Variants in TTLL5 observed in about 807,000 individuals in gnomAD.
The protein encoded by TTLL5 is tubulin tyrosine ligase like 5, also known as tubulin polyglutamylase TTLL5.
In TTLL5, 132 loss-of-function variants were observed where a neutral mutation model predicts 168.4. The ratio of observed to expected loss-of-function variants is 0.78; its 90% CI spans 0.68 to 0.91. TTLL5 has a LOEUF of 0.91. Among genes scored for constraint, TTLL5 ranks in the 40% least tolerant of loss-of-function variants. TTLL5 has a pLI of 0.00. For synonymous variants in TTLL5, 546 were observed against 558.6 expected, an observed-to-expected ratio of 0.98 and a Z score of 0.32; for missense variants, 1,545 against 1,581.5, an observed-to-expected ratio of 0.98 and a Z score of 0.39.
intron 18 of TTLL5, among the ~76,000 whole-genome samples, chr14:75,755,269 A>AAAT (rs71119390): frequency 0.058 from 2,757 of 47,858 alleles, 68 homozygotes; most frequent in African/African-American, 0.15. Flanking sequence ...CTGTCTCCAA[A>AAAT]AATAATAATA....
At chr14:75,895,372 A>G (rs532070908) in intron 30 of TTLL5, among the ~76,000 whole-genome samples, 24 of 152,318 alleles carry the variant, frequency 1.6e-4, no homozygotes, top group African/African-American at 5.5e-4. Context: ...CCTGCACTCA[A>G]TGGTATTCGA....
At chr14:75,818,087 C>A (rs1269279586) in intron 27 of TTLL5, among the ~76,000 whole-genome samples, 4 of 152,026 alleles carry the variant, frequency 2.6e-5, no homozygotes, top group Non-Finnish European at 5.9e-5. Context: ...ATCCACCTGC[C>A]TCAGCCTCCC....
chr14:75,908,654 T>C (rs2033244626), intron 31 of TTLL5, among the ~76,000 whole-genome samples: 1 of 152,372 alleles, frequency 6.6e-6, no homozygotes, highest in African/African-American at 2.4e-5. Context: ...GTATGACCCC[T>C]GTATGCTGCC....
intron 31 of TTLL5, among the ~76,000 whole-genome samples, chr14:75,911,390 C>T (rs1007492519): frequency 1.3e-5 from 2 of 151,954 alleles, no homozygotes; most frequent in Admixed American, 1.3e-4. Flanking sequence ...GACTTGCCTT[C>T]GCTATAATAA....
intron 31 of TTLL5, among the ~76,000 whole-genome samples, chr14:75,918,420 C>G (rs932503498): frequency 2.0e-5 from 3 of 152,150 alleles, no homozygotes; most frequent in African/African-American, 7.2e-5. Context: ...ACTTCTGCAG[C>G]CCCTCTACCA....
At chr14:75,896,651 T>C (rs997749619) in intron 30 of TTLL5, among the ~76,000 whole-genome samples, 16 of 152,088 alleles carry the variant, frequency 1.1e-4, no homozygotes, top group Admixed American at 7.9e-4. Flanking sequence ...ACAGAAATAA[T>C]ATAGCAGCAA....
At chr14:75,745,315 A>G in intron 16 of TTLL5, 107 bp downstream of exon 16, 1 of 1,261,946 alleles carries the variant, frequency 7.9e-7, no homozygotes, top group Non-Finnish European at 1.1e-6. Flanking sequence ...CATTGAAAAG[A>G]GAAAGATTCA....
chr14:75,833,096 G>T (rs1240512281), intron 28 of TTLL5, among the ~76,000 whole-genome samples: 1 of 152,132 alleles, frequency 6.6e-6, no homozygotes, highest in Admixed American at 6.5e-5. Flanking sequence ...CCTCAGCCAA[G>T]CCCCATGCCC....
intron 23 of TTLL5, 117 bp from the exon 24 acceptor site, chr14:75,779,458 C>T: frequency 1.4e-6 from 2 of 1,441,372 alleles, no homozygotes; most frequent in Non-Finnish European, 1.9e-6. Context: ...AGGGAATTTT[C>T]AGCTTGTGCT....
chr14:75,772,910 A>C (rs1401934797), intron 21 of TTLL5, among the ~76,000 whole-genome samples: 1 of 151,704 alleles, frequency 6.6e-6, no homozygotes, highest in Non-Finnish European at 1.5e-5. Flanking sequence ...CAGGTGATCC[A>C]CCCTCCTTGG....
intron 30 of TTLL5, among the ~76,000 whole-genome samples, chr14:75,884,624 A>G (rs2032001081): frequency 6.6e-6 from 1 of 152,200 alleles, no homozygotes; most frequent in Non-Finnish European, 1.5e-5. Context: ...CAGGTATCAA[A>G]AGGCATGCTG....
chr14:75,683,554 AC>A lies in TTLL5; in HGVS notation c.272del (p.Pro91GlnfsTer8). ...TGTCTTTCTGTCTGCCCTCAGGTTC[AC>A]CCAAGCAGCACTGACTATAACCTAA... ...ILTAHGFHEV[H>X]PSSTDYNLMW... On this transcript the variant is annotated frameshift_variant, in exon 5 of 32. Coordinates refer to ENST00000298832, the MANE Select transcript of TTLL5 (RefSeq NM_015072.5). LOFTEE classifies it high-confidence loss of function. The A allele has an allele frequency of 6.2e-7, 1 of 1,613,386 alleles. No individual in the cohort carries two copies. Among genetic ancestry groups the A allele is most frequent in the Non-Finnish European group, 8.5e-7 (1 of 1,179,486 alleles).
Position 75,681,539 on chromosome 14 carries a change from CT to C in TTLL5, c.182-3del, listed in dbSNP as rs1276651183. 1 of 1,611,336 alleles carries C rather than the reference CT, an allele frequency of 6.2e-7. No individual in the cohort carries two copies. The highest frequency in any genetic ancestry group is 8.5e-7 in the Non-Finnish European group (1 of 1,179,028). Reference sequence around the variant, plus strand: ...AGTTACTGAACTTGATTCTGTTTTTCTTTAGAACGTTATCATTTGTCTTATA... The same window carrying C: ...AGTTACTGAACTTGATTCTGTTTTTCTTAGAACGTTATCATTTGTCTTATA... On this transcript the variant is annotated splice_polypyrimidine_tract_variant and splice_region_variant and intron_variant, in intron 3 of 31. Coordinates refer to ENST00000298832, the MANE Select transcript of TTLL5 (RefSeq NM_015072.5).
At chr14:75,872,833 C>T (rs1364070427) in intron 29 of TTLL5, among the ~76,000 whole-genome samples, 1 of 151,468 alleles carries the variant, frequency 6.6e-6, no homozygotes, top group African/African-American at 2.4e-5. Flanking sequence ...ATCACTTGAA[C>T]CCAGGAGGCG....
chr14:75,675,158 AAGGACATTTCAAGTGCTTATT>A (rs1884044097), intron 3 of TTLL5, among the ~76,000 whole-genome samples: 1 of 152,236 alleles, frequency 6.6e-6, no homozygotes, highest in Non-Finnish European at 1.5e-5. Context: ...AAAGTTAAAT[AAGGACATTTCAAGTGCTTATT>A]AGTCACACAC....
chr14:75,735,552 A>C (rs1414805640), intron 15 of TTLL5, among the ~76,000 whole-genome samples: 1 of 152,154 alleles, frequency 6.6e-6, no homozygotes, highest in Non-Finnish European at 1.5e-5. Flanking sequence ...GTTTTTAAAA[A>C]TCACGTTTTT....
At position 75,857,258 on chromosome 14, in the gene TTLL5, C is replaced by G. The variant is rs558645477; in HGVS notation, c.3327-6409C>G. ...CTAACGGTATTAATATATGACTTTT[C>G]TTCATTCTCTTAATGTGGTGAATTA... On this transcript the variant is annotated intron_variant, in intron 28 of 31. Transcript: ENST00000298832. Among the ~76,000 whole-genome samples, 3 of 152,190 alleles carry G rather than the reference C, an allele frequency of 2.0e-5. No homozygotes were observed. In the South Asian group the frequency reaches 6.2e-4, roughly 32 times the overall value.
chr14:75,883,189 T>G (rs2031911297), intron 30 of TTLL5, among the ~76,000 whole-genome samples: 1 of 152,254 alleles, frequency 6.6e-6, no homozygotes, highest in South Asian at 2.1e-4. Context: ...TCCCCTTGGT[T>G]TGTTCACTTT....
intron 30 of TTLL5, among the ~76,000 whole-genome samples, chr14:75,886,093 G>A (rs1261440587): frequency 6.6e-6 from 1 of 152,196 alleles, no homozygotes; most frequent in Non-Finnish European, 1.5e-5. Context: ...CACAACTAAT[G>A]AGAAGTTGTA....
Sources: allele counts gnomAD v4.1 joint callset (sites outside exome capture counted in the v4.1 genomes callset), GRCh38; gene constraint gnomAD v4.1.1; transcripts MANE v1.5; gene names NCBI Gene and HGNC (gene_info 2026-07-23, HGNC 2026-07-21).